The following DPT variants were observed in gnomAD, a reference collection of about 807,000 sequenced individuals.
DPT encodes tyrosine-rich acidic matrix protein.
Under a neutral mutation model 31.2 loss-of-function variants are expected in DPT, and 21 were observed. The ratio of observed to expected loss-of-function variants is 0.67; its 90% CI spans 0.48 to 0.97. The LOEUF (loss-of-function observed/expected upper bound fraction) is 0.97, where lower values mean the gene tolerates loss of function less well. DPT is among the 50% of genes least tolerant of loss of function. DPT has a pLI of 0.00. For synonymous variants in DPT, 91 were observed against 86.9 expected (o/e 1.05, Z -0.26); for missense variants, 262 against 258.8 (o/e 1.01, Z -0.08).
chr1:168,714,122 G>A lies in DPT; in HGVS notation c.431+99C>T, dbSNP rs74122770. 0.013 allele frequency: 19,562 copies of A among 1,529,550 alleles called. 2,132 individuals are homozygous for A. The African/African-American group carries it at 0.23, about 18-fold the overall frequency. The allele number at this position is 1,529,550 out of a possible 1,614,324, so 94.7% of individuals were successfully genotyped here. A position where few individuals can be genotyped will look rare whatever the true frequency, so the allele number is the denominator to read the frequency against. Reference sequence around the variant, plus strand: ...TCTATATGCCAGCGCTGCCTTCCAGGCTTGTGTGTGACCCTCAAGCTTACC... The same window carrying A: ...TCTATATGCCAGCGCTGCCTTCCAGACTTGTGTGTGACCCTCAAGCTTACC... On this transcript the variant is annotated intron_variant, in intron 2 of 3. Coordinates refer to ENST00000367817, the MANE Select transcript of DPT (RefSeq NM_001937.5).
intron 3 of DPT, 66 bp from the exon 4 acceptor site, chr1:168,696,681 G>GTTTCCCCAGCA: frequency 1.4e-6 from 2 of 1,413,884 alleles, no homozygotes; most frequent in Non-Finnish European, 2.0e-6. Flanking sequence ...AATCGCTGCT[G>GTTTCCCCAGCA]GGGAAACAGC....
intron 2 of DPT, among the ~76,000 whole-genome samples, chr1:168,708,645 G>T (rs999159474): frequency 1.3e-5 from 2 of 152,104 alleles, no homozygotes; most frequent in African/African-American, 4.8e-5. Flanking sequence ...GTATACATGC[G>T]CCAGGTTGGT....
chr1:168,710,810 G>A (rs1649836887), intron 2 of DPT, among the ~76,000 whole-genome samples: 1 of 152,038 alleles, frequency 6.6e-6, no homozygotes, highest in South Asian at 2.1e-4. Flanking sequence ...GAAACACAAA[G>A]ACCTGTCTTT....
chr1:168,727,530 T>C (rs903773316), intron 1 of DPT, among the ~76,000 whole-genome samples: 2 of 135,996 alleles, frequency 1.5e-5, no homozygotes, highest in African/African-American at 5.8e-5. Flanking sequence ...TTTTTCTTTT[T>C]TCTATTTTCT....
At chr1:168,716,070 T>G (rs1649981242) in intron 1 of DPT, among the ~76,000 whole-genome samples, 1 of 152,262 alleles carries the variant, frequency 6.6e-6, no homozygotes, top group Admixed American at 6.5e-5. Flanking sequence ...ATTTCATTTA[T>G]TCTTTTCCAT....
At chr1:168,709,811 G>T (rs140331346) in intron 2 of DPT, among the ~76,000 whole-genome samples, 3 of 152,272 alleles carry the variant, frequency 2.0e-5, no homozygotes, top group South Asian at 2.1e-4. Flanking sequence ...TCAGATAAGA[G>T]GGTTATCAGC....
intron 2 of DPT, among the ~76,000 whole-genome samples, chr1:168,708,123 T>C (rs972381639): frequency 6.6e-6 from 1 of 152,226 alleles, no homozygotes; most frequent in African/African-American, 2.4e-5. Flanking sequence ...ATAATGCAAA[T>C]GCTATGTGAG....
Position 168,695,800 on chromosome 1 carries a change from C to T in DPT, c.*749G>A. The T allele has an allele frequency of 5.9e-6, 1 of 169,962 alleles. No homozygotes were observed. The highest frequency in any genetic ancestry group is 2.4e-5 in the African/African-American group (1 of 42,320). 10.5% of individuals were successfully genotyped at this position (169,962 alleles called of 1,614,324 possible). A position where few individuals can be genotyped will look rare whatever the true frequency, so the allele number is the denominator to read the frequency against. ...TCCCCACAAGTTCCCAATCTGAATC[C>T]CATTCTCTGACCATTCTCTGCTTCC... On this transcript the variant is annotated 3_prime_UTR_variant, in exon 4 of 4. Transcript: ENST00000367817.
At chr1:168,716,232 A>G (rs1469617254) in intron 1 of DPT, among the ~76,000 whole-genome samples, 1 of 152,104 alleles carries the variant, frequency 6.6e-6, no homozygotes, top group Non-Finnish European at 1.5e-5. Flanking sequence ...GCATTTATTT[A>G]TTTATTTATT....
rs572120771 is a variant in DPT at position 168,696,271 on chromosome 1, G to A, written c.*278C>T. The stretch of plus-strand genomic sequence containing the variant: ...TCCAGAAGCCCGGCTGTAAGCATGC[G>A]CACTGTATATGTGGTGTGCAAGGAA... On this transcript the variant is annotated 3_prime_UTR_variant, in exon 4 of 4. Coordinates refer to ENST00000367817, the MANE Select transcript of DPT (RefSeq NM_001937.5). 14 of 463,940 alleles carry A rather than the reference G, an allele frequency of 3.0e-5. No individual in the cohort carries two copies. The highest frequency in any genetic ancestry group is 2.8e-4 in the South Asian group (5 of 17,628). The allele number at this position is 463,940 out of a possible 1,614,324, so 28.7% of individuals were successfully genotyped here.
At chr1:168,697,726 C>T (rs146016462) in intron 3 of DPT, among the ~76,000 whole-genome samples, 58 of 152,330 alleles carry the variant, frequency 3.8e-4, no homozygotes, top group African/African-American at 1.3e-3. Context: ...AGATGCTTTA[C>T]GTGTTTTCTC....
chr1:168,696,759 T>C (rs1649475891), intron 3 of DPT, 144 bp from the exon 4 acceptor site: 7 of 721,396 alleles, frequency 9.7e-6, no homozygotes, highest in Non-Finnish European at 1.6e-5. Context: ...TTAGAAGACA[T>C]CTTTATGCAG....
chr1:168,724,777 A>C (rs1294212472), intron 1 of DPT, among the ~76,000 whole-genome samples: 1 of 152,068 alleles, frequency 6.6e-6, no homozygotes, highest in Non-Finnish European at 1.5e-5. Context: ...TGGAAAACGG[A>C]GTTCCCACCC....
At chr1:168,723,662 A>C (rs1650170675) in intron 1 of DPT, among the ~76,000 whole-genome samples, 1 of 152,180 alleles carries the variant, frequency 6.6e-6, no homozygotes, top group South Asian at 2.1e-4. Flanking sequence ...GACAGTTCCT[A>C]ACCTGACAGC....
rs1649460474 is a variant in DPT at position 168,696,155 on chromosome 1, A to G, written c.*394T>C. ...CTTAGCTGTAGAGAACCTTCACTGC[A>G]CCTCTCCTCCAGTTCTGCCTCTCCC... is the stretch of plus-strand genomic sequence containing the variant. On this transcript the variant is annotated 3_prime_UTR_variant, in exon 4 of 4. Transcript: ENST00000367817. 1 of 416,904 alleles carries G rather than the reference A, an allele frequency of 2.4e-6. No homozygotes were observed. The highest frequency in any genetic ancestry group is 4.0e-5 in the Admixed American group (1 of 24,914). 25.8% of individuals were successfully genotyped at this position (416,904 alleles called of 1,614,324 possible). A position where few individuals can be genotyped will look rare whatever the true frequency, so the allele number is the denominator to read the frequency against.
chr1:168,703,895 CT>C (rs1278208102), intron 2 of DPT, among the ~76,000 whole-genome samples: 1 of 152,210 alleles, frequency 6.6e-6, no homozygotes, highest in East Asian at 1.9e-4. Context: ...ATATATGTGG[CT>C]GCATTTAGCG....
At chr1:168,705,955 C>T (rs1175086278) in intron 2 of DPT, among the ~76,000 whole-genome samples, 3 of 152,142 alleles carry the variant, frequency 2.0e-5, no homozygotes, top group Non-Finnish European at 4.4e-5. Context: ...ATGTGGCTTG[C>T]TCCTCCTTGC....
At chr1:168,711,162 C>A (rs1288087568) in intron 2 of DPT, among the ~76,000 whole-genome samples, 1 of 145,338 alleles carries the variant, frequency 6.9e-6, no homozygotes, top group African/African-American at 2.6e-5. Flanking sequence ...AGGTGCCTGC[C>A]ACCAAGCCTG....
chr1:168,704,862 T>G (rs1649684138), intron 2 of DPT, among the ~76,000 whole-genome samples: 1 of 152,244 alleles, frequency 6.6e-6, no homozygotes, highest in African/African-American at 2.4e-5. Flanking sequence ...TTTTCTCATC[T>G]AAGATTCTTG....
Sources: allele counts gnomAD v4.1 joint callset (sites outside exome capture counted in the v4.1 genomes callset), GRCh38; gene constraint gnomAD v4.1.1; transcripts MANE v1.5; gene names NCBI Gene and HGNC (gene_info 2026-07-23, HGNC 2026-07-21).